FGF14: variants seen among roughly 807,000 people sequenced by gnomAD.
FGF14 encodes the protein fibroblast growth factor 14.
Under a neutral mutation model 25.5 loss-of-function variants are expected in FGF14, and 5 were observed. The ratio of observed to expected loss-of-function variants is 0.20; its 90% CI spans 0.10 to 0.41. The LOEUF (loss-of-function observed/expected upper bound fraction) is 0.41. FGF14 is among the 10% of genes least tolerant of loss of function. The pLI is 1.00. For synonymous variants in FGF14, 138 were observed against 118.3 expected (o/e 1.17, Z -1.08); for missense variants, 222 against 320.1 (o/e 0.69, Z 2.34).
chr13:102,061,953 C>T (rs1472916142), intron 1 of FGF14, among the ~76,000 whole-genome samples: 1 of 152,128 alleles, frequency 6.6e-6, no homozygotes, highest in Non-Finnish European at 1.5e-5. Context: ...ACTGCAAACT[C>T]ATGAATACCC....
At chr13:102,159,928 A>G (rs971077745) in intron 1 of FGF14, among the ~76,000 whole-genome samples, 28 of 152,298 alleles carry the variant, frequency 1.8e-4, no homozygotes, top group African/African-American at 5.5e-4. Context: ...ATTTTTTCCA[A>G]TCAGCACTCC....
intron 1 of FGF14, among the ~76,000 whole-genome samples, chr13:102,257,328 A>ATTTCC (rs2141098536): frequency 2.3e-5 from 1 of 43,342 alleles, no homozygotes; most frequent in Admixed American, 2.4e-4. Context: ...ATGCATGTCC[A>ATTTCC]TTTCCTTTCT....
At position 102,332,923 on chromosome 13, in the gene FGF14, A is replaced by G. The variant is rs2056677295; in HGVS notation, c.208+68548T>C. Among the ~76,000 whole-genome samples, 3 of 152,136 alleles carry G rather than the reference A, an allele frequency of 2.0e-5. No individual in the cohort carries two copies. In the South Asian group the frequency reaches 6.2e-4, roughly 32 times the overall value. ...AATCAGAACTAAGACCAGAAGTCCC[A>G]TTTTTTATTCCTTGATGTGACTGTC... On this transcript the variant is annotated intron_variant, in intron 1 of 4. Coordinates refer to the FGF14 transcript ENST00000376131.
intron 1 of FGF14, among the ~76,000 whole-genome samples, chr13:102,362,780 T>C (rs2057603478): frequency 6.6e-6 from 1 of 151,438 alleles, no homozygotes; most frequent in African/African-American, 2.4e-5. Context: ...TATTTTGGTA[T>C]TCATTTCTAA....
Position 102,045,104 on chromosome 13 carries a change from G to A in FGF14, c.209-169808C>T, listed in dbSNP as rs767088246. Reference sequence around the variant, plus strand: ...TGAATTTTACTCATCTAATAATTTTGATATTCAATTTGTGTAGTTAAAATA... The same window carrying A: ...TGAATTTTACTCATCTAATAATTTTAATATTCAATTTGTGTAGTTAAAATA... On this transcript the variant is annotated intron_variant, in intron 1 of 4. Transcript: ENST00000376131. Among the ~76,000 whole-genome samples, 34 of 152,180 alleles carry A rather than the reference G, an allele frequency of 2.2e-4. No homozygotes were observed. The South Asian group carries it at 2.3e-3, about 10-fold the overall frequency.
At chr13:102,216,060 A>G (rs2050356914) in intron 1 of FGF14, among the ~76,000 whole-genome samples, 1 of 152,210 alleles carries the variant, frequency 6.6e-6, no homozygotes, top group Non-Finnish European at 1.5e-5. Context: ...AAGGGTGCAT[A>G]CAGTTAGGCA....
chr13:102,193,939 A>C lies in FGF14; in HGVS notation c.208+207532T>G, dbSNP rs184941802. 1.4e-4 allele frequency among the ~76,000 whole-genome samples: 21 copies of C among 152,302 alleles called. 1 individual carries two copies. The East Asian group carries it at 3.9e-3, about 28-fold the overall frequency. ...ATTTTTGTCCCTGAAAAAGTCCATGAATTAGAATTCCTAGTCAAAAATTTG... is the reference window on the plus strand; with the variant it reads ...ATTTTTGTCCCTGAAAAAGTCCATGCATTAGAATTCCTAGTCAAAAATTTG... On this transcript the variant is annotated intron_variant, in intron 1 of 4. Coordinates refer to the FGF14 transcript ENST00000376131.
chr13:101,812,620 T>C (rs1464253990), intron 3 of FGF14, among the ~76,000 whole-genome samples: 1 of 7,366 alleles, frequency 1.4e-4, no homozygotes, highest in Admixed American at 1.8e-3. Context: ...ACTATATATA[T>C]ATATATATAT....
chr13:102,378,903 G>T (rs1412211909), intron 1 of FGF14, among the ~76,000 whole-genome samples: 1 of 151,984 alleles, frequency 6.6e-6, no homozygotes, highest in Non-Finnish European at 1.5e-5. Flanking sequence ...CTTTACACAG[G>T]GTTACATAAA....
chr13:101,972,964 G>A (rs1650133165), intron 1 of FGF14, among the ~76,000 whole-genome samples: 1 of 152,088 alleles, frequency 6.6e-6, no homozygotes, highest in East Asian at 1.9e-4. Flanking sequence ...ACAAACAGGA[G>A]GTCTGAGATT....
intron 1 of FGF14, among the ~76,000 whole-genome samples, chr13:102,114,688 G>A (rs1334406728): frequency 6.6e-6 from 1 of 152,126 alleles, no homozygotes; most frequent in Non-Finnish European, 1.5e-5. Flanking sequence ...CAACATGGAT[G>A]AGCCTTGAGA....
chr13:102,115,088 C>T (rs535341388), intron 1 of FGF14, among the ~76,000 whole-genome samples: 2 of 152,178 alleles, frequency 1.3e-5, no homozygotes, highest in South Asian at 4.1e-4. Context: ...AGAACCCCTG[C>T]CCACCAGGTA....
At chr13:102,150,375 A>G (rs190323181) in intron 1 of FGF14, among the ~76,000 whole-genome samples, 12 of 152,178 alleles carry the variant, frequency 7.9e-5, no homozygotes, top group African/African-American at 2.4e-4. Context: ...CAGAGCTGAT[A>G]TAAGAGTTTA....
At chr13:101,817,575 G>C (rs2041905093) in intron 3 of FGF14, among the ~76,000 whole-genome samples, 1 of 152,150 alleles carries the variant, frequency 6.6e-6, no homozygotes, top group South Asian at 2.1e-4. Context: ...TATAGTCTTT[G>C]AAAAGGTACT....
intron 1 of FGF14, among the ~76,000 whole-genome samples, chr13:102,122,482 G>A (rs1242520429): frequency 6.6e-6 from 1 of 152,154 alleles, no homozygotes; most frequent in African/African-American, 2.4e-5. Flanking sequence ...GACAGCGGGA[G>A]TAGCTCATCA....
At chr13:102,034,483 A>T (rs2041372711) in intron 1 of FGF14, among the ~76,000 whole-genome samples, 1 of 152,126 alleles carries the variant, frequency 6.6e-6, no homozygotes, top group African/African-American at 2.4e-5. Flanking sequence ...AATAAGAAAG[A>T]CATCTTCCTC....
chr13:102,181,615 A>G (rs1429184250), intron 1 of FGF14, among the ~76,000 whole-genome samples: 1 of 152,170 alleles, frequency 6.6e-6, no homozygotes, highest in Admixed American at 6.6e-5. Context: ...AGAAAATGCT[A>G]AGGATTGATG....
intron 1 of FGF14, among the ~76,000 whole-genome samples, chr13:102,202,270 C>T (rs74714543): frequency 6.6e-6 from 1 of 152,108 alleles, no homozygotes; most frequent in Non-Finnish European, 1.5e-5. Context: ...TCCCATAAGC[C>T]AGGGCCCCAA....
intron 1 of FGF14, among the ~76,000 whole-genome samples, chr13:102,110,902 G>A (rs1193442893): frequency 1.3e-5 from 2 of 152,032 alleles, no homozygotes; most frequent in Non-Finnish European, 2.9e-5. Context: ...ACCATTACCT[G>A]CTACTCTTGC....
Sources: gnomAD v4.1 joint callset for allele counts (sites outside exome capture counted in the v4.1 genomes callset) on GRCh38, gnomAD v4.1.1 for gene constraint, MANE v1.5 for transcripts, NCBI Gene and HGNC (gene_info 2026-07-23, HGNC 2026-07-21) for gene names.